The following MSL2 variants were observed in gnomAD, a reference collection of about 807,000 sequenced individuals.
MSL2 encodes MSL complex subunit 2, also known as E3 ubiquitin-protein ligase MSL2.
MSL2 carries 2 observed loss-of-function variants against 35.8 expected under a neutral mutation model. That is an observed-to-expected ratio of 0.06 (90% CI 0.02 to 0.18). MSL2 has a LOEUF of 0.18. Ranked by LOEUF, MSL2 falls within the 10% of genes least tolerant of loss-of-function variation. The pLI, the probability that MSL2 is intolerant of heterozygous loss-of-function variation, is 1.00. For synonymous variants in MSL2, 296 were observed against 255.7 expected, an observed-to-expected ratio of 1.16 and a Z score of -1.50; for missense variants, 523 against 706.7, an observed-to-expected ratio of 0.74 and a Z score of 2.95.
intron 1 of MSL2, among the ~76,000 whole-genome samples, chr3:136,189,078 C>T (rs571213886): frequency 7.6e-6 from 1 of 130,968 alleles, no homozygotes; most frequent in African/African-American, 3.0e-5. Context: ...ATCATACAAG[C>T]CTGGGCAACA....
At chr3:136,176,097 T>A (rs76042164) in intron 1 of MSL2, among the ~76,000 whole-genome samples, 6,590 of 152,222 alleles carry the variant, frequency 0.043, 502 homozygotes, top group African/African-American at 0.15. Context: ...CCATAAAAAG[T>A]TAGTATTTAT....
At chr3:136,174,815 C>T (rs1362084057) in intron 1 of MSL2, among the ~76,000 whole-genome samples, 1 of 152,168 alleles carries the variant, frequency 6.6e-6, no homozygotes, top group Non-Finnish European at 1.5e-5. Context: ...CTAAAATTTA[C>T]AGCATCAGAA....
At chr3:136,192,557 G>A (rs1013287895) in intron 1 of MSL2, among the ~76,000 whole-genome samples, 2 of 151,516 alleles carry the variant, frequency 1.3e-5, no homozygotes, top group Non-Finnish European at 2.9e-5. Context: ...AGTGTTTTAG[G>A]CAGAAGAAAA....
rs34420183 is a variant in MSL2, at chr3:136,166,062, T to TAAAAA, written c.143-13329_143-13325dup. Among the ~76,000 whole-genome samples, 8 of 80,074 alleles carry TAAAAA rather than the reference T, an allele frequency of 1.0e-4. No individual in the cohort carries two copies. The South Asian group carries it at 1.7e-3, about 17-fold the overall frequency. The allele number at this position is 80,074 out of a possible 152,430, so 52.5% of individuals were successfully genotyped here. A position where few individuals can be genotyped will look rare whatever the true frequency, so the allele number is the denominator to read the frequency against. On this transcript the variant is annotated intron_variant, in intron 1 of 1. Coordinates refer to ENST00000309993, the MANE Select transcript of MSL2 (RefSeq NM_018133.4). ...TAAAATATTTAAATGTACGTACCAGTAAAAAAAAAAAAAAAAAAAAAAAAA... is the reference window on the plus strand; with the variant it reads ...TAAAATATTTAAATGTACGTACCAGTAAAAAAAAAAAAAAAAAAAAAAAAAAAAAA...
intron 1 of MSL2, among the ~76,000 whole-genome samples, chr3:136,183,847 A>G (rs1940435782): frequency 6.6e-6 from 1 of 152,218 alleles, no homozygotes; most frequent in Admixed American, 6.5e-5. Flanking sequence ...GAAAATAATG[A>G]ACAATACTAT....
chr3:136,183,206 G>A (rs140208587), intron 1 of MSL2, among the ~76,000 whole-genome samples: 5 of 152,116 alleles, frequency 3.3e-5, no homozygotes, highest in South Asian at 2.1e-4. Flanking sequence ...AAACCAGTGC[G>A]AGCAACAAAC....
Position 136,150,991 on chromosome 3 carries a change from A to G in MSL2, c.*156T>C. 4 of 791,184 alleles carry G rather than the reference A, an allele frequency of 5.1e-6. No individual in the cohort carries two copies. Among genetic ancestry groups the G allele is most frequent in the Non-Finnish European group, 8.1e-6 (4 of 495,772 alleles). 49.0% of individuals were successfully genotyped at this position (791,184 alleles called of 1,614,324 possible). ...GTTACTCCTCCATTATCTGCAAACT[A>G]TTTCCCCGACACTAACACATATAAC... On this transcript the variant is annotated 3_prime_UTR_variant, in exon 2 of 2. Transcript: ENST00000309993.
chr3:136,189,083 G>A (rs1275818439), intron 1 of MSL2, among the ~76,000 whole-genome samples: 4 of 112,772 alleles, frequency 3.5e-5, no homozygotes, highest in African/African-American at 7.2e-5. Flanking sequence ...ACAAGCCTGG[G>A]CAACATGGTG....
chr3:136,191,120 A>C (rs6800570), intron 1 of MSL2, among the ~76,000 whole-genome samples: 17,496 of 152,124 alleles, frequency 0.12, 1,619 homozygotes, highest in African/African-American at 0.26. Flanking sequence ...GTGGGATATT[A>C]AGTACCTAAT....
chr3:136,151,707 C>G lies in MSL2; in HGVS notation c.1174G>C (p.Gly392Arg). Reference protein sequence around the residue: ...LQPIATVPNGGTTPKISKTVL... With the variant: ...LQPIATVPNGRTTPKISKTVL... ...GTTTTGCTGATTTTAGGTGTTGTGC[C>G]TCCATTGGGAACAGTTGCTATAGGT... The change falls in exon 2 of 2, where the codon GGC becomes CGC. Residue 392 changes from glycine to arginine, a missense_variant. By Grantham distance (125) the Gly-to-Arg change is moderately radical. This residue lies in a region of MSL2 where 361 missense variants were observed against 414.6 expected (regional missense o/e 0.87). Coordinates refer to ENST00000309993, the MANE Select transcript of MSL2 (RefSeq NM_018133.4). This position sits in a 1 kb window ranked among gnomAD's most constrained non-coding sequence, Gnocchi z 5.2. 1.2e-6 allele frequency: 2 copies of G among 1,614,076 alleles called. No homozygotes were observed. The highest frequency in any genetic ancestry group is 1.7e-6 in the Non-Finnish European group (2 of 1,180,024).
At chr3:136,187,929 T>C (rs930653526) in intron 1 of MSL2, among the ~76,000 whole-genome samples, 2 of 151,910 alleles carry the variant, frequency 1.3e-5, no homozygotes, top group African/African-American at 4.8e-5. Context: ...AGGTGGCCTG[T>C]AGAACATATT....
chr3:136,180,816 G>GGGAAGGAGGGAAGGAAGGAAGGAAGGAA, intron 1 of MSL2, among the ~76,000 whole-genome samples: 1 of 53,632 alleles, frequency 1.9e-5, no homozygotes, highest in Non-Finnish European at 3.2e-5. Flanking sequence ...GAGGGAAGGA[G>GGGAAGGAGGGAAGGAAGGAAGGAAGGAA]GGAAGGAAGG....
rs1576351139 is a variant in MSL2, at chr3:136,150,302, C to G, written c.*845G>C. ...GTACAATACACAAATCTGGGCAAGT[C>G]TGGGAGCATTATTCCAAAATTATTT... On this transcript the variant is annotated 3_prime_UTR_variant, in exon 2 of 2. Transcript: ENST00000309993. 6.6e-6 allele frequency: 1 copy of G among 152,368 alleles called. No individual in the cohort carries two copies. The highest frequency in any genetic ancestry group is 1.9e-4 in the East Asian group (1 of 5,188). 9.4% of individuals were successfully genotyped at this position (152,368 alleles called of 1,614,324 possible).
chr3:136,191,862 C>A (rs1280554013), intron 1 of MSL2, among the ~76,000 whole-genome samples: 2 of 152,140 alleles, frequency 1.3e-5, no homozygotes, highest in Admixed American at 6.5e-5. Context: ...AGGCAATTGG[C>A]AAAAAGTTAA....
chr3:136,171,313 T>G (rs865786241), intron 1 of MSL2, among the ~76,000 whole-genome samples: 1 of 152,264 alleles, frequency 6.6e-6, no homozygotes, highest in South Asian at 2.1e-4. Context: ...AGGAAGTGGC[T>G]GGGATGAACT....
intron 1 of MSL2, among the ~76,000 whole-genome samples, chr3:136,180,804 G>GGAAGGAAGGAA (rs1559969290): frequency 5.4e-4 from 28 of 51,418 alleles, no homozygotes; most frequent in African/African-American, 1.7e-3. Flanking sequence ...GAGGGAGGGA[G>GGAAGGAAGGAA]GGAGGGAAGG....
chr3:136,184,221 G>A (rs186657080), intron 1 of MSL2, among the ~76,000 whole-genome samples: 9 of 152,016 alleles, frequency 5.9e-5, no homozygotes, highest in Middle Eastern at 3.4e-3. Context: ...GCTCGAACCC[G>A]GGAGGCGGAG....
chr3:136,166,366 C>A (rs1239208577), intron 1 of MSL2, among the ~76,000 whole-genome samples: 1 of 150,886 alleles, frequency 6.6e-6, no homozygotes, highest in South Asian at 2.1e-4. Flanking sequence ...CCAGCCTGGG[C>A]GACAGAGCGA....
rs1939287616 is a variant in MSL2 at position 136,149,606 on chromosome 3, A to C, written c.*1541T>G. On this transcript the variant is annotated 3_prime_UTR_variant, in exon 2 of 2. Coordinates refer to ENST00000309993, the MANE Select transcript of MSL2 (RefSeq NM_018133.4). ...AGAGACCAAAAAAAAAAAAAGAAAA[A>C]AAAGCCCAACAACAACAACAAAAAC... 2 of 151,780 alleles carry C rather than the reference A, an allele frequency of 1.3e-5. No individual in the cohort carries two copies. The highest frequency in any genetic ancestry group is 6.6e-5 in the Admixed American group (1 of 15,238). The allele number at this position is 151,780 out of a possible 1,614,324, so 9.4% of individuals were successfully genotyped here. A position where few individuals can be genotyped will look rare whatever the true frequency, so the allele number is the denominator to read the frequency against.
Sources: allele counts gnomAD v4.1 joint callset (sites outside exome capture counted in the v4.1 genomes callset), GRCh38; gene constraint gnomAD v4.1.1; regional missense constraint gnomAD v4.1.1; non-coding constraint Gnocchi (gnomAD v3.1); transcripts MANE v1.5; gene names NCBI Gene and HGNC (gene_info 2026-07-23, HGNC 2026-07-21).